Variants in CCT7 observed in about 807,000 individuals in gnomAD.
CCT7 encodes the protein chaperonin containing TCP1 subunit 7.
A neutral mutation model predicts 56.6 loss-of-function variants in CCT7; 16 were observed. The ratio of observed to expected loss-of-function variants is 0.28; its 90% CI spans 0.19 to 0.43. The LOEUF (loss-of-function observed/expected upper bound fraction) is 0.43. Ranked by LOEUF, CCT7 falls within the 20% of genes least tolerant of loss-of-function variation. The probability of loss-of-function intolerance (pLI) is 1.00; values close to 1 mark genes in which losing one functional copy is unlikely to be tolerated. For missense variants in CCT7, 519 were observed against 685.6 expected, an observed-to-expected ratio of 0.76 and a Z score of 2.71; for synonymous variants, 262 against 254.8, an observed-to-expected ratio of 1.03 and a Z score of -0.27.
Position 73,247,843 on chromosome 2 carries a change from A to G in CCT7, c.700A>G (p.Asn234Asp). Residue 234 changes from asparagine to aspartate, a missense_variant, in exon 7 of 12, where the codon AAT (asparagine) becomes GAT (aspartate). This residue lies in a region of CCT7 where 276 missense variants were observed against 357.3 expected (regional missense o/e 0.77). Coordinates refer to ENST00000258091, the MANE Select transcript of CCT7 (RefSeq NM_006429.4). ...GFEMQPKKYH[N>D]PKIALLNVEL... ...TGAAATGCAACCCAAAAAGTACCAC[A>G]ATCCCAAGATTGCCCTTTTGAATGT... 6.2e-7 allele frequency: 1 copy of G among 1,614,222 alleles called. No homozygotes were observed. Among genetic ancestry groups the G allele is most frequent in the East Asian group, 2.2e-5 (1 of 44,882 alleles).
intron 1 of CCT7, 78 bp from the exon 2 acceptor site, chr2:73,239,565 G>T: frequency 7.6e-7 from 1 of 1,317,034 alleles, no homozygotes; most frequent in Non-Finnish European, 1.1e-6. Context: ...GGGAGAGATG[G>T]GAGCATTTTC....
intron 1 of CCT7, among the ~76,000 whole-genome samples, chr2:73,235,113 G>A (rs1196257179): frequency 1.3e-5 from 2 of 152,312 alleles, no homozygotes; most frequent in African/African-American, 4.8e-5. Flanking sequence ...TTTCTAGTTG[G>A]CTACCTAACT....
intron 6 of CCT7, among the ~76,000 whole-genome samples, chr2:73,246,015 C>T (rs1379608957): frequency 6.6e-6 from 1 of 152,166 alleles, no homozygotes. Context: ...TTCTAATCTA[C>T]ATAGATTAGA....
At chr2:73,250,224 T>TG (rs1483541646) in intron 9 of CCT7, 82 bp from the exon 10 acceptor site, 32 of 1,523,224 alleles carry the variant, frequency 2.1e-5, no homozygotes, top group Middle Eastern at 1.7e-4. Flanking sequence ...TGCTGAGTGT[T>TG]GGGGGGGCTG....
Position 73,234,376 on chromosome 2 carries a change from A to G in CCT7, c.-3A>G. 6.2e-7 allele frequency: 1 copy of G among 1,613,564 alleles called. No individual in the cohort carries two copies. Among genetic ancestry groups the G allele is most frequent in the Middle Eastern group, 1.7e-4 (1 of 6,058 alleles). On this transcript the variant is annotated 5_prime_UTR_variant, in exon 1 of 12. Coordinates refer to ENST00000258091, the MANE Select transcript of CCT7 (RefSeq NM_006429.4). ...GTGGCGGGCCGCTGAATAAGCTTCCAAAATGATGGTGAGTGGCGTCTCGCG... is the reference window on the plus strand; with the variant it reads ...GTGGCGGGCCGCTGAATAAGCTTCCGAAATGATGGTGAGTGGCGTCTCGCG...
At chr2:73,250,527 C>G in intron 10 of CCT7, 89 bp downstream of exon 10, 1 of 1,470,624 alleles carries the variant, frequency 6.8e-7, no homozygotes. Flanking sequence ...GTGATTCCTT[C>G]TCTATATAAC....
chr2:73,244,854 C>T, intron 6 of CCT7, 139 bp downstream of exon 6: 2 of 568,800 alleles, frequency 3.5e-6, no homozygotes, highest in Admixed American at 3.3e-5. Flanking sequence ...ATTGTACTTT[C>T]CATACTGCCA....
intron 1 of CCT7, among the ~76,000 whole-genome samples, chr2:73,238,489 G>A (rs1329810064): frequency 6.6e-6 from 1 of 152,230 alleles, no homozygotes; most frequent in African/African-American, 2.4e-5. Flanking sequence ...TCATTGTTAG[G>A]TTGGGAAAGC....
Position 73,239,794 on chromosome 2 carries a change from GAGGTA to G in CCT7, c.160+1_160+5del. 1 of 1,613,880 alleles carries G rather than the reference GAGGTA, an allele frequency of 6.2e-7. No homozygotes were observed. Among genetic ancestry groups the G allele is most frequent in the Non-Finnish European group, 8.5e-7 (1 of 1,179,818 alleles). ...ATGGACAAGCTTATTGTAGATGGCA[GAGGTA>G]AGTCTACAGAGTTCCTCAGGCCTGT... On this transcript the variant is annotated splice_donor_variant and splice_donor_region_variant and coding_sequence_variant and intron_variant, in exon 2 of 12. Transcript: ENST00000258091. LOFTEE classifies it high-confidence loss of function.
intron 5 of CCT7, 143 bp from the exon 6 acceptor site, chr2:73,244,401 A>G (rs1687243837): frequency 1.5e-6 from 1 of 681,626 alleles, no homozygotes; most frequent in Non-Finnish European, 2.4e-6. Flanking sequence ...TGTCACTGAT[A>G]ATCTGCCCTA....
intron 6 of CCT7, among the ~76,000 whole-genome samples, chr2:73,247,173 A>T (rs1687374519): frequency 6.6e-6 from 1 of 152,152 alleles, no homozygotes; most frequent in African/African-American, 2.4e-5. Context: ...CTGCAGTGAT[A>T]GCTTAGAAAT....
At chr2:73,250,645 T>C (rs1465336207) in intron 10 of CCT7, among the ~76,000 whole-genome samples, 1 of 151,950 alleles carries the variant, frequency 6.6e-6, no homozygotes, top group African/African-American at 2.4e-5. Context: ...AAGCTAAGAC[T>C]TGTTCTTTTA....
In CCT7 at chr2:73,246,537, G is replaced by A. The variant is rs558262062; in HGVS notation, c.619-1225G>A. On this transcript the variant is annotated intron_variant, in intron 6 of 11. Coordinates refer to ENST00000258091, the MANE Select transcript of CCT7 (RefSeq NM_006429.4). Reference sequence around the variant, plus strand: ...CATTGTACTTATTTACTATTTGCAGGGTGAAGTTTCCTACTTTATTCTTCT... The same window carrying A: ...CATTGTACTTATTTACTATTTGCAGAGTGAAGTTTCCTACTTTATTCTTCT... Among the ~76,000 whole-genome samples the A allele has an allele frequency of 4.6e-5, 7 of 152,210 alleles. No individual in the cohort carries two copies. The South Asian group carries it at 1.5e-3, about 32-fold the overall frequency.
intron 3 of CCT7, among the ~76,000 whole-genome samples, chr2:73,242,436 C>T (rs1006946453): frequency 1.3e-5 from 2 of 152,058 alleles, no homozygotes; most frequent in Non-Finnish European, 2.9e-5. Context: ...CCCGCCATCA[C>T]GCCCAGCTAA....
chr2:73,244,265 A>G (rs900274508), intron 5 of CCT7: 2 of 622,364 alleles, frequency 3.2e-6, no homozygotes, highest in Non-Finnish European at 5.6e-6. Context: ...CAATCCCTCT[A>G]TGTGCCTGGG....
intron 1 of CCT7, among the ~76,000 whole-genome samples, chr2:73,235,155 GGGAGTTGCTGTGAGTCCT>G (rs1396363491): frequency 6.6e-6 from 1 of 152,156 alleles, no homozygotes; most frequent in African/African-American, 2.4e-5. Context: ...TTTGGGGCGA[GGGAGTTGCTGTGAGTCCT>G]GGAGCCACCT....
In CCT7 at chr2:73,244,062, TG is replaced by T. The variant is rs1210531571; in HGVS notation, c.446+16del. On this transcript the variant is annotated intron_variant, in intron 5 of 11. Coordinates refer to ENST00000258091, the MANE Select transcript of CCT7 (RefSeq NM_006429.4). ...AGGCAGATAAAGTGTAAGTCTGTAG[TG>T]GGTTTTTTTTTTTTTTTTTAAAGAG... is the stretch of plus-strand genomic sequence containing the variant. The T allele has an allele frequency of 2.6e-6, 4 of 1,564,572 alleles. No homozygotes were observed. The highest frequency in any genetic ancestry group is 3.5e-6 in the Non-Finnish European group (4 of 1,157,336).
Position 73,247,863 on chromosome 2 carries a change from G to A in CCT7, c.720G>A (p.Leu240=). 6.2e-7 allele frequency: 1 copy of A among 1,614,162 alleles called. No individual in the cohort carries two copies. The highest frequency in any genetic ancestry group is 1.1e-5 in the South Asian group (1 of 91,082). The change falls in exon 7 of 12, where the codon TTG becomes TTA. Residue 240 remains leucine (L), a synonymous_variant. Coordinates refer to ENST00000258091, the MANE Select transcript of CCT7 (RefSeq NM_006429.4). ...ACCACAATCCCAAGATTGCCCTTTTGAATGTCGAGCTCGAGTTGAAAGCTG... is the reference window on the plus strand; with the variant it reads ...ACCACAATCCCAAGATTGCCCTTTTAAATGTCGAGCTCGAGTTGAAAGCTG... ...KKYHNPKIAL[L]NVELELKAEK...
intron 7 of CCT7, 66 bp downstream of exon 7, chr2:73,247,992 C>A: frequency 7.0e-7 from 1 of 1,429,342 alleles, no homozygotes; most frequent in Non-Finnish European, 9.8e-7. Flanking sequence ...AGCCCTGGGT[C>A]TTCATGGCTA....
Sources: allele counts gnomAD v4.1 joint callset (sites outside exome capture counted in the v4.1 genomes callset), GRCh38; gene constraint gnomAD v4.1.1; regional missense constraint gnomAD v4.1.1; transcripts MANE v1.5; gene names NCBI Gene and HGNC (gene_info 2026-07-23, HGNC 2026-07-21).